GLT8D2: variants seen among roughly 807,000 people sequenced by gnomAD.
GLT8D2 encodes glycosyltransferase 8 domain-containing protein 2.
GLT8D2 carries 45 observed loss-of-function variants against 44.5 expected under a neutral mutation model. The observed-to-expected ratio is 1.01, with a 90% CI of 0.80 to 1.30. The LOEUF (loss-of-function observed/expected upper bound fraction) is 1.30. Among genes scored for constraint, GLT8D2 ranks in the 50% most tolerant of loss-of-function variants. The pLI is 0.00. For missense variants in GLT8D2, 400 were observed against 430.4 expected, an observed-to-expected ratio of 0.93 and a Z score of 0.62; for synonymous variants, 156 against 157.2, an observed-to-expected ratio of 0.99 and a Z score of 0.06.
intron 1 of GLT8D2, chr12:104,030,689 AG>A: frequency 6.3e-7 from 1 of 1,591,612 alleles, no homozygotes; most frequent in Non-Finnish European, 8.6e-7. Flanking sequence ...ACAACTCAAT[AG>A]CAAAAAAACA....
intron 1 of GLT8D2, among the ~76,000 whole-genome samples, chr12:104,062,155 C>G (rs1346413294): frequency 6.6e-6 from 1 of 151,726 alleles, no homozygotes; most frequent in Non-Finnish European, 1.5e-5. Flanking sequence ...CTCACTGCAA[C>G]CTCTGCCTCC....
intron 5 of GLT8D2, among the ~76,000 whole-genome samples, chr12:104,002,323 T>A (rs189279390): frequency 2.0e-5 from 3 of 152,348 alleles, no homozygotes; most frequent in Admixed American, 2.0e-4. Context: ...TCTGGTTATA[T>A]CCTATGCCCA....
At chr12:104,064,296 G>A (rs1882955921), upstream of GLT8D2, 1 of 382,922 alleles carries the variant, frequency 2.6e-6, no homozygotes, top group Non-Finnish European at 4.7e-6. This position sits in a 1 kb window ranked among gnomAD's most constrained non-coding sequence, Gnocchi z 7.3. Flanking sequence ...GATGGGAGAC[G>A]TGGTCAGTGG....
At chr12:103,999,610 T>G (rs766355555) in intron 5 of GLT8D2, 96 bp from the exon 6 acceptor site, 4 of 726,944 alleles carry the variant, frequency 5.5e-6, no homozygotes, top group Non-Finnish European at 9.8e-6. Flanking sequence ...CCCTAGAAAG[T>G]TAAAATTAAA....
At chr12:104,022,876 C>T (rs1878097750) in intron 1 of GLT8D2, among the ~76,000 whole-genome samples, 1 of 152,064 alleles carries the variant, frequency 6.6e-6, no homozygotes, top group South Asian at 2.1e-4. Flanking sequence ...TTCTATCAGG[C>T]CAACTTTTTA....
chr12:104,003,271 C>G lies in GLT8D2; in HGVS notation c.148G>C (p.Glu50Gln), dbSNP rs1466098818. ...GCAGCACAAATCACCACAGGAATCT[C>G]TTCTTCCAGTTCTTCAGGAGTCTCG... Reference protein sequence around the residue: ...ESETPEELEEEIPVVICAAAG... With the variant: ...ESETPEELEEQIPVVICAAAG... Residue 50 changes from glutamate to glutamine, a missense_variant, in exon 5 of 11, where the codon GAG becomes CAG. Coordinates refer to ENST00000360814, the MANE Select transcript of GLT8D2 (RefSeq NM_001384711.1). The G allele has an allele frequency of 6.2e-7, 1 of 1,613,446 alleles. No individual in the cohort carries two copies. The highest frequency in any genetic ancestry group is 8.5e-7 in the Non-Finnish European group (1 of 1,179,536).
Position 103,996,746 on chromosome 12 carries a change from C to T in GLT8D2, c.589G>A (p.Val197Met), listed in dbSNP as rs150432657. 9.3e-6 allele frequency: 15 copies of T among 1,612,418 alleles called. No individual in the cohort carries two copies. The highest frequency in any genetic ancestry group is 5.5e-5 in the South Asian group (5 of 90,914). The change falls in exon 8 of 11, where the codon GTG becomes ATG. Residue 197 changes from valine (V) to methionine (M), a missense_variant. By Grantham distance (21) the Val-to-Met change is conservative. Coordinates refer to ENST00000360814, the MANE Select transcript of GLT8D2 (RefSeq NM_001384711.1). ...LPSAQDINRLVGLQNTYMGYL... is the reference protein window; with the variant it reads ...LPSAQDINRLMGLQNTYMGYL... ...CAGCATATGCCCACCTGAAGTCCCA[C>T]GAGTCTGTTTATGTCCTGAGCAGAG...
At chr12:104,004,779 T>C (rs937568202) in intron 4 of GLT8D2, among the ~76,000 whole-genome samples, 2 of 152,164 alleles carry the variant, frequency 1.3e-5, no homozygotes, top group Non-Finnish European at 2.9e-5. Flanking sequence ...ATAGGAAGAA[T>C]CAATATCGTG....
At chr12:104,004,216 G>T (rs1874652273) in intron 4 of GLT8D2, among the ~76,000 whole-genome samples, 1 of 152,114 alleles carries the variant, frequency 6.6e-6, no homozygotes, top group Non-Finnish European at 1.5e-5. Flanking sequence ...ATTAGGCATT[G>T]ATGGGACGTA....
intron 2 of GLT8D2, among the ~76,000 whole-genome samples, chr12:104,020,560 G>A (rs1282156460): frequency 6.6e-6 from 1 of 152,190 alleles, no homozygotes; most frequent in African/African-American, 2.4e-5. Flanking sequence ...TCCAGTGGGG[G>A]AAACAGATAT....
chr12:104,002,405 A>G (rs1164153673), intron 5 of GLT8D2, among the ~76,000 whole-genome samples: 2 of 152,210 alleles, frequency 1.3e-5, no homozygotes, highest in Non-Finnish European at 2.9e-5. Context: ...TCTATAATAC[A>G]TGTTAAAAAT....
At chr12:104,025,758 T>C (rs1218475592) in intron 1 of GLT8D2, among the ~76,000 whole-genome samples, 2 of 152,234 alleles carry the variant, frequency 1.3e-5, no homozygotes, top group Non-Finnish European at 2.9e-5. Context: ...TTGTTATTCC[T>C]TCTGTGGAAC....
chr12:104,014,712 C>T (rs1005036875), intron 4 of GLT8D2, among the ~76,000 whole-genome samples: 1 of 152,160 alleles, frequency 6.6e-6, no homozygotes, highest in Non-Finnish European at 1.5e-5. Context: ...AGGAGCTTAT[C>T]GGAAATGCAA....
At chr12:104,007,985 T>C (rs1030019955) in intron 4 of GLT8D2, among the ~76,000 whole-genome samples, 2 of 152,226 alleles carry the variant, frequency 1.3e-5, no homozygotes, top group African/African-American at 4.8e-5. Context: ...TCTCCAGCCA[T>C]GTGGAACTGT....
intron 1 of GLT8D2, among the ~76,000 whole-genome samples, chr12:104,026,278 C>CAAA (rs760871849): frequency 0.13 from 10,560 of 78,550 alleles, 606 homozygotes; most frequent in East Asian, 0.36. Flanking sequence ...GACTCTGTCT[C>CAAA]AAAAAAAAAA....
intron 3 of GLT8D2, 72 bp from the exon 4 acceptor site, chr12:104,015,177 T>A: frequency 1.8e-6 from 2 of 1,120,626 alleles, no homozygotes; most frequent in Non-Finnish European, 2.7e-6. Context: ...TTTAGAATGG[T>A]AGTGCGAGTA....
intron 1 of GLT8D2, among the ~76,000 whole-genome samples, chr12:104,023,182 G>A (rs1375428247): frequency 2.0e-5 from 3 of 152,166 alleles, no homozygotes; most frequent in Non-Finnish European, 4.4e-5. Flanking sequence ...GCTAATGCAC[G>A]TGGGGCTTAA....
chr12:104,040,605 T>C (rs933374730), intron 1 of GLT8D2, among the ~76,000 whole-genome samples: 1 of 151,864 alleles, frequency 6.6e-6, no homozygotes, highest in Non-Finnish European at 1.5e-5. Context: ...TTTGCATATT[T>C]AGTAGAGATG....
intron 1 of GLT8D2, chr12:104,031,487 G>A (rs1879250993): frequency 6.2e-7 from 1 of 1,613,240 alleles, no homozygotes. Flanking sequence ...GGGGGATGAG[G>A]AGACGGTGCG....
Sources: allele counts gnomAD v4.1 joint callset (sites outside exome capture counted in the v4.1 genomes callset), GRCh38; gene constraint gnomAD v4.1.1; non-coding constraint Gnocchi (gnomAD v3.1); transcripts MANE v1.5; gene names NCBI Gene and HGNC (gene_info 2026-07-23, HGNC 2026-07-21).